PSMG4: variants seen among roughly 807,000 people sequenced by gnomAD.
The protein encoded by PSMG4 is proteasome (prosome, macropain) assembly chaperone 4.
In PSMG4, 10 loss-of-function variants were observed where a neutral mutation model predicts 11.0. That is an observed-to-expected ratio of 0.91 (90% CI 0.56 to 1.54). PSMG4 has a LOEUF of 1.54. Ranked by LOEUF, PSMG4 falls within the 40% of genes most tolerant of loss-of-function variation. PSMG4 has a pLI of 0.00. For synonymous variants in PSMG4, 95 were observed against 71.3 expected, an observed-to-expected ratio of 1.33 and a Z score of -1.68; for missense variants, 198 against 160.9, an observed-to-expected ratio of 1.23 and a Z score of -1.25.
intron 1 of PSMG4, among the ~76,000 whole-genome samples, chr6:3,260,534 G>T (rs1757951018): frequency 1.3e-5 from 2 of 151,964 alleles, no homozygotes; most frequent in African/African-American, 4.8e-5. Context: ...TGATCCGCCT[G>T]CCTCGGCCTC....
chr6:3,254,918 C>T (rs898379149), upstream of PSMG4: 105 of 972,076 alleles, frequency 1.1e-4, no homozygotes, highest in Non-Finnish European at 1.5e-4. Context: ...TGAGCTGGTG[C>T]TTCAGCCATT....
chr6:3,256,416 G>A (rs1409848370), upstream of PSMG4, among the ~76,000 whole-genome samples: 2 of 152,202 alleles, frequency 1.3e-5, no homozygotes, highest in African/African-American at 4.8e-5. Flanking sequence ...GGACTGTGAT[G>A]ACACTTCAGT....
intron 1 of PSMG4, among the ~76,000 whole-genome samples, chr6:3,259,822 T>C (rs1349385587): frequency 6.6e-6 from 1 of 152,134 alleles, no homozygotes; most frequent in Non-Finnish European, 1.5e-5. Flanking sequence ...CCTGGGACAT[T>C]ATCATTTCCC....
Position 3,259,190 on chromosome 6 carries a change from C to T in PSMG4, c.168C>T (p.Ser56=), listed in dbSNP as rs1029762705. 1.5e-5 allele frequency: 20 copies of T among 1,305,014 alleles called. No individual in the cohort carries two copies. Among genetic ancestry groups the T allele is most frequent in the Non-Finnish European group, 1.9e-5 (20 of 1,028,094 alleles). 80.8% of individuals were successfully genotyped at this position (1,305,014 alleles called of 1,614,324 possible). ...GCAACCTCGCCGTGGCCATGTGCAG[C>T]CGCTACGTGAGTGCCTGGCGGCCGA... ...HLRNLAVAMC[S]RYDSIPVSTS... Residue 56 remains serine (S), a synonymous_variant, in exon 1 of 3, where the codon AGC becomes AGT. Coordinates refer to ENST00000438998, the MANE Select transcript of PSMG4 (RefSeq NM_001128591.2).
chr6:3,263,587 T>C, intron 1 of PSMG4, 97 bp from the exon 2 acceptor site: 1 of 1,074,250 alleles, frequency 9.3e-7, no homozygotes. Flanking sequence ...AACCTGCCAC[T>C]GCCATCGTCG....
chr6:3,254,461 G>A (rs1395606462), upstream of PSMG4, among the ~76,000 whole-genome samples: 1 of 150,752 alleles, frequency 6.6e-6, no homozygotes, highest in African/African-American at 2.5e-5. Flanking sequence ...CTTTTTTTGT[G>A]TGTCTTTTTA....
intron 2 of PSMG4, chr6:3,264,368 G>A: frequency 6.5e-7 from 1 of 1,534,054 alleles, no homozygotes; most frequent in Non-Finnish European, 8.8e-7. Context: ...CCCAGTGCCT[G>A]TGGCCAGTGT....
At chr6:3,254,479 A>G (rs183472074), upstream of PSMG4, among the ~76,000 whole-genome samples, 108 of 151,360 alleles carry the variant, frequency 7.1e-4, no homozygotes, top group African/African-American at 1.8e-3. Flanking sequence ...TTAGATAAAT[A>G]TTGTTGCTGG....
intron 1 of PSMG4, among the ~76,000 whole-genome samples, chr6:3,260,234 G>C (rs1757927407): frequency 1.4e-5 from 2 of 148,082 alleles, no homozygotes; most frequent in Non-Finnish European, 3.0e-5. Context: ...AGTAATGTTG[G>C]ATTAAGGGCC....
chr6:3,256,125 C>G (rs1445783712), upstream of PSMG4, among the ~76,000 whole-genome samples: 3 of 152,216 alleles, frequency 2.0e-5, no homozygotes, highest in Admixed American at 6.5e-5. Flanking sequence ...CAAATTTTCA[C>G]CATCCTCCCC....
upstream of PSMG4, among the ~76,000 whole-genome samples, chr6:3,256,337 AC>A (rs1757765253): frequency 6.6e-6 from 1 of 152,168 alleles, no homozygotes; most frequent in South Asian, 2.1e-4. Flanking sequence ...GGGTCCACAG[AC>A]CCAGTGGACC....
At chr6:3,258,708 C>G (rs771221013), upstream of PSMG4, among the ~76,000 whole-genome samples, 1 of 151,990 alleles carries the variant, frequency 6.6e-6, no homozygotes, top group Admixed American at 6.5e-5. Flanking sequence ...CCGTGGACTC[C>G]TAGAGGTCAC....
chr6:3,256,244 C>G (rs2127253298), upstream of PSMG4, among the ~76,000 whole-genome samples: 1 of 152,336 alleles, frequency 6.6e-6, no homozygotes, highest in South Asian at 2.1e-4. Context: ...CTATAGGGCA[C>G]AGATCCAATG....
At chr6:3,262,911 C>T (rs757940281) in intron 1 of PSMG4, among the ~76,000 whole-genome samples, 8 of 151,118 alleles carry the variant, frequency 5.3e-5, no homozygotes, top group Admixed American at 2.0e-4. Context: ...AACTCCTGGT[C>T]TCAAGCAGTC....
At position 3,267,969 on chromosome 6, in the gene PSMG4, G is replaced by A; in HGVS notation, c.*257G>A. The A allele has an allele frequency of 2.9e-6, 1 of 339,878 alleles. No homozygotes were observed. Among genetic ancestry groups the A allele is most frequent in the Non-Finnish European group, 5.5e-6 (1 of 181,244 alleles). 21.1% of individuals were successfully genotyped at this position (339,878 alleles called of 1,614,324 possible). A position where few individuals can be genotyped will look rare whatever the true frequency, so the allele number is the denominator to read the frequency against. ...ATGAAATGGGATTTTTGTTGGGATT[G>A]AAGACTGTAATCTAAGAGTTTCAAT... On this transcript the variant is annotated 3_prime_UTR_variant, in exon 3 of 3. Coordinates refer to ENST00000438998, the MANE Select transcript of PSMG4 (RefSeq NM_001128591.2).
chr6:3,254,512 G>C (rs1303284734), upstream of PSMG4, among the ~76,000 whole-genome samples: 3 of 151,990 alleles, frequency 2.0e-5, no homozygotes, highest in Non-Finnish European at 4.4e-5. Context: ...TATGTGTTGG[G>C]TTTATGAGCT....
At chr6:3,264,025 AT>A in intron 2 of PSMG4, 1 of 1,361,604 alleles carries the variant, frequency 7.3e-7, no homozygotes, top group Non-Finnish European at 9.8e-7. Flanking sequence ...CCATGAGCTG[AT>A]TTAGTTGCCT....
upstream of PSMG4, among the ~76,000 whole-genome samples, chr6:3,254,761 A>C (rs569376393): frequency 3.3e-5 from 5 of 152,334 alleles, 1 homozygote; most frequent in African/African-American, 1.2e-4. Flanking sequence ...AAAAACTGTA[A>C]TGCTCACCTG....
upstream of PSMG4, among the ~76,000 whole-genome samples, chr6:3,254,878 G>A (rs749508314): frequency 3.2e-4 from 48 of 151,950 alleles, no homozygotes; most frequent in South Asian, 3.5e-3. Context: ...ATGCTGGAGG[G>A]TGACTCCGAC....
Sources: allele counts gnomAD v4.1 joint callset (sites outside exome capture counted in the v4.1 genomes callset), GRCh38; gene constraint gnomAD v4.1.1; transcripts MANE v1.5; gene names NCBI Gene and HGNC (gene_info 2026-07-23, HGNC 2026-07-21).